The following RBKS variants were observed in gnomAD, a reference collection of about 807,000 sequenced individuals.
RBKS encodes ribokinase.
RBKS carries 33 observed loss-of-function variants against 33.9 expected under a neutral mutation model. The ratio of observed to expected loss-of-function variants is 0.97; its 90% CI spans 0.74 to 1.30. The LOEUF (loss-of-function observed/expected upper bound fraction) is 1.30, where lower values mean the gene tolerates loss of function less well. Among genes scored for constraint, RBKS ranks in the 50% most tolerant of loss-of-function variants. RBKS has a pLI of 0.00. For synonymous variants in RBKS, 125 were observed against 143.0 expected (o/e 0.87, Z 0.90); for missense variants, 361 against 392.6 (o/e 0.92, Z 0.68).
intron 7 of RBKS, among the ~76,000 whole-genome samples, chr2:27,782,979 T>C (rs1677318497): frequency 6.6e-6 from 1 of 152,256 alleles, no homozygotes; most frequent in East Asian, 1.9e-4. Flanking sequence ...CAGTCATTTA[T>C]ATCAGTATGA....
At chr2:27,833,739 G>T (rs1678466808) in intron 5 of RBKS, among the ~76,000 whole-genome samples, 2 of 152,230 alleles carry the variant, frequency 1.3e-5, no homozygotes, top group Middle Eastern at 3.4e-3. Flanking sequence ...CTTTGGTTTG[G>T]GACTTCGTAA....
intron 2 of RBKS, 83 bp downstream of exon 2, chr2:27,858,356 T>A (rs1663901038): frequency 7.0e-7 from 1 of 1,428,226 alleles, no homozygotes. Context: ...TCTAAAATGG[T>A]TGAAAAAATT....
intron 1 of RBKS, among the ~76,000 whole-genome samples, chr2:27,889,724 G>A (rs994988899): frequency 6.6e-6 from 1 of 152,190 alleles, no homozygotes; most frequent in Non-Finnish European, 1.5e-5. Flanking sequence ...CTGCAGTAAT[G>A]CCGACAATCA....
intron 7 of RBKS, among the ~76,000 whole-genome samples, chr2:27,804,261 A>G (rs558484485): frequency 3.9e-4 from 60 of 152,306 alleles, no homozygotes; most frequent in Non-Finnish European, 7.5e-4. Context: ...AAAGTGTACA[A>G]TCCAATGTTC....
Position 27,832,795 on chromosome 2 carries a change from AG to A in RBKS, c.515-19del. On this transcript the variant is annotated intron_variant, in intron 5 of 7. Transcript: ENST00000302188. Reference sequence around the variant, plus strand: ...GGTTTTCACTACAAAGGAATGGAAAAGGGGGTTATTATTAGTTTTCATTTTT... The same window carrying A: ...GGTTTTCACTACAAAGGAATGGAAAAGGGGTTATTATTAGTTTTCATTTTT... The A allele has an allele frequency of 6.7e-7, 1 of 1,491,170 alleles. No homozygotes were observed. The highest frequency in any genetic ancestry group is 9.4e-7 in the Non-Finnish European group (1 of 1,068,090). 92.4% of individuals were successfully genotyped at this position (1,491,170 alleles called of 1,614,324 possible).
chr2:27,881,835 AC>A (rs1664422665), intron 1 of RBKS, among the ~76,000 whole-genome samples: 1 of 152,222 alleles, frequency 6.6e-6, no homozygotes, highest in Non-Finnish European at 1.5e-5. Context: ...TCCCTATTCA[AC>A]AGATAGTGCT....
At chr2:27,852,718 T>C (rs953780334) in intron 2 of RBKS, among the ~76,000 whole-genome samples, 1 of 152,068 alleles carries the variant, frequency 6.6e-6, no homozygotes, top group Non-Finnish European at 1.5e-5. Flanking sequence ...AAATTGAATA[T>C]TCTGCTCAAG....
intron 1 of RBKS, chr2:27,869,746 C>A (rs1217558928): frequency 2.2e-5 from 4 of 181,918 alleles, no homozygotes; most frequent in Non-Finnish European, 4.4e-5. Flanking sequence ...ACGGTCCTAT[C>A]TGGGGGTGAC....
At chr2:27,781,872 CTT>C (rs1250109399) in intron 7 of RBKS, 84 bp from the exon 8 acceptor site, 12 of 1,237,774 alleles carry the variant, frequency 9.7e-6, no homozygotes, top group East Asian at 2.6e-5. Flanking sequence ...TTTAAGTAAA[CTT>C]AATTTTAGTT....
intron 7 of RBKS, among the ~76,000 whole-genome samples, chr2:27,799,837 G>A (rs1677739597): frequency 6.6e-6 from 1 of 152,154 alleles, no homozygotes; most frequent in Non-Finnish European, 1.5e-5. Context: ...CCAGGGGCCA[G>A]GCTTGCTCTG....
rs537655501 is a variant in RBKS at position 27,810,931 on chromosome 2, G to A, written c.795+16636C>T. ...ATCAAATGTATCCCTTGCTTAAATG[G>A]CTCCCCATTGCCCTCAGAAGTGTGA... On this transcript the variant is annotated intron_variant, in intron 7 of 7. Transcript: ENST00000302188. The surrounding 1 kb of genome is among the most constrained non-coding windows in gnomAD (Gnocchi z 4.4). Among the ~76,000 whole-genome samples the A allele has an allele frequency of 2.6e-5, 4 of 152,156 alleles. No individual in the cohort carries two copies. The highest frequency in any genetic ancestry group is 2.0e-4 in the Admixed American group (3 of 15,288).
At chr2:27,793,142 ATAAAT>A in intron 7 of RBKS, among the ~76,000 whole-genome samples, 1 of 152,370 alleles carries the variant, frequency 6.6e-6, no homozygotes, top group South Asian at 2.1e-4. Flanking sequence ...CTGATATAAA[ATAAAT>A]AAATATACTG....
At chr2:27,841,224 G>C (rs1663498111) in intron 5 of RBKS, among the ~76,000 whole-genome samples, 1 of 152,128 alleles carries the variant, frequency 6.6e-6, no homozygotes, top group African/African-American at 2.4e-5. Flanking sequence ...ACCTGTGAAA[G>C]GTTAGCTCCT....
intron 7 of RBKS, among the ~76,000 whole-genome samples, chr2:27,815,313 T>C: frequency 6.6e-6 from 1 of 152,094 alleles, no homozygotes; most frequent in Non-Finnish European, 1.5e-5. Context: ...GCTCAAGTGA[T>C]CCTCTTGCCT....
intron 6 of RBKS, among the ~76,000 whole-genome samples, chr2:27,829,874 G>A (rs1301899998): frequency 6.6e-6 from 1 of 152,192 alleles, no homozygotes; most frequent in Non-Finnish European, 1.5e-5. Context: ...CCTTAAATAT[G>A]CTTCAGGCAG....
At position 27,839,172 on chromosome 2, in the gene RBKS, C is replaced by A. The variant is rs547600904; in HGVS notation, c.514+3895G>T. 2.0e-4 allele frequency among the ~76,000 whole-genome samples: 31 copies of A among 152,276 alleles called. 1 individual carries two copies. The South Asian group carries it at 5.8e-3, about 28-fold the overall frequency. Reference sequence around the variant, plus strand: ...AAACACTCAAAGCTTGGGCTATGTGCTGGACAATGTCATTGTGAAAGTCTG... The same window carrying A: ...AAACACTCAAAGCTTGGGCTATGTGATGGACAATGTCATTGTGAAAGTCTG... On this transcript the variant is annotated intron_variant, in intron 5 of 7. Coordinates refer to ENST00000302188, the MANE Select transcript of RBKS (RefSeq NM_022128.3).
chr2:27,841,033 A>C (rs1663482985), intron 5 of RBKS, among the ~76,000 whole-genome samples: 1 of 152,152 alleles, frequency 6.6e-6, no homozygotes, highest in African/African-American at 2.4e-5. Context: ...CTCTTAATAA[A>C]AGTGTGAAGT....
At chr2:27,864,661 C>A (rs955434436) in intron 1 of RBKS, among the ~76,000 whole-genome samples, 1 of 89,168 alleles carries the variant, frequency 1.1e-5, no homozygotes, top group Non-Finnish European at 2.3e-5. Context: ...AGTATTGACT[C>A]ATTCATTCTG....
chr2:27,842,664 T>C (rs1185808585), intron 5 of RBKS, among the ~76,000 whole-genome samples: 1 of 152,014 alleles, frequency 6.6e-6, no homozygotes, highest in South Asian at 2.1e-4. Flanking sequence ...GAATTCTTTT[T>C]TTTTTTTTTG....
Sources: gnomAD v4.1 joint callset for allele counts (sites outside exome capture counted in the v4.1 genomes callset) on GRCh38, gnomAD v4.1.1 for gene constraint, Gnocchi (gnomAD v3.1) non-coding constraint, MANE v1.5 for transcripts, NCBI Gene and HGNC (gene_info 2026-07-23, HGNC 2026-07-21) for gene names.